PSD3: variants seen among roughly 807,000 people sequenced by gnomAD.
PSD3 encodes the protein pleckstrin and Sec7 domain containing 3.
PSD3 carries 49 observed loss-of-function variants against 105.5 expected under a neutral mutation model. The ratio of observed to expected loss-of-function variants is 0.46; its 90% CI spans 0.37 to 0.59. The LOEUF (loss-of-function observed/expected upper bound fraction) is 0.59, where lower values mean the gene tolerates loss of function less well. Among genes scored for constraint, PSD3 ranks in the 20% least tolerant of loss-of-function variants. The probability of loss-of-function intolerance (pLI) is 0.00; values close to 1 mark genes in which losing one functional copy is unlikely to be tolerated. For synonymous variants in PSD3, 557 were observed against 457.8 expected (o/e 1.22, Z -2.77); for missense variants, 1,561 against 1,263.8 (o/e 1.24, Z -3.57).
chr8:18,945,140 C>T (rs1055518403), intron 1 of PSD3, among the ~76,000 whole-genome samples: 2 of 152,148 alleles, frequency 1.3e-5, no homozygotes, highest in African/African-American at 4.8e-5. Context: ...GGTCCTCCCC[C>T]ACAAAATGTC....
intron 2 of PSD3, among the ~76,000 whole-genome samples, chr8:18,889,754 GGA>G: frequency 6.6e-6 from 1 of 152,028 alleles, no homozygotes; most frequent in African/African-American, 2.4e-5. Flanking sequence ...TTCCATGTCT[GGA>G]TGTCTCCCCA....
intron 4 of PSD3, among the ~76,000 whole-genome samples, chr8:18,819,537 A>AT (rs1194161052): frequency 6.8e-6 from 1 of 146,802 alleles, no homozygotes; most frequent in Non-Finnish European, 1.5e-5. Flanking sequence ...TCCTAGACAC[A>AT]TTTTTTAAAT....
intron 12 of PSD3, among the ~76,000 whole-genome samples, chr8:18,594,313 T>TA (rs1554519080): frequency 2.1e-4 from 1 of 4,784 alleles, no homozygotes; most frequent in Non-Finnish European, 4.9e-4. Flanking sequence ...ATATATATTA[T>TA]TATATATAAT....
At chr8:18,795,660 A>T (rs74451442) in intron 8 of PSD3, among the ~76,000 whole-genome samples, 1,593 of 152,248 alleles carry the variant, frequency 0.01, 28 homozygotes, top group African/African-American at 0.035. Context: ...ACCACCTTAG[A>T]ACACCAGCCC....
rs148106168 is a variant in PSD3 at position 18,618,185 on chromosome 8, G to C, written c.2410+14428C>G. 4.2e-3 allele frequency among the ~76,000 whole-genome samples: 643 copies of C among 151,900 alleles called. 10 individuals carry two copies. The highest frequency in any genetic ancestry group is 0.015 in the African/African-American group (614 of 41,552). Reference sequence around the variant, plus strand: ...AAGTCTTTCAAGCAATTGACAATCAGGAAATCTTTCAATCCGTCTATGACC... The same window carrying C: ...AAGTCTTTCAAGCAATTGACAATCACGAAATCTTTCAATCCGTCTATGACC... On this transcript the variant is annotated intron_variant, in intron 11 of 15. Coordinates refer to ENST00000327040, the MANE Select transcript of PSD3 (RefSeq NM_015310.4).
intron 4 of PSD3, among the ~76,000 whole-genome samples, chr8:18,833,890 G>C (rs754356644): frequency 6.6e-6 from 1 of 152,020 alleles, no homozygotes; most frequent in Non-Finnish European, 1.5e-5. Flanking sequence ...TAGTAAGATA[G>C]TCAGTTACAA....
At chr8:18,705,356 G>A (rs921297278) in intron 9 of PSD3, among the ~76,000 whole-genome samples, 22 of 151,774 alleles carry the variant, frequency 1.4e-4, no homozygotes, top group African/African-American at 4.6e-4. Flanking sequence ...GGCTTAAGAC[G>A]GTGCCTATAC....
At chr8:18,690,717 G>C (rs1274830061) in intron 9 of PSD3, among the ~76,000 whole-genome samples, 1 of 152,178 alleles carries the variant, frequency 6.6e-6, no homozygotes, top group African/African-American at 2.4e-5. Flanking sequence ...CTTTCTCCCA[G>C]AATAAACACT....
At chr8:18,578,697 C>G (rs1802614137) in intron 12 of PSD3, among the ~76,000 whole-genome samples, 1 of 151,322 alleles carries the variant, frequency 6.6e-6, no homozygotes, top group South Asian at 2.1e-4. Context: ...TAAAATCAAG[C>G]TCAAAGGATG....
At chr8:18,599,721 G>T (rs1400320054) in intron 12 of PSD3, among the ~76,000 whole-genome samples, 1 of 152,066 alleles carries the variant, frequency 6.6e-6, no homozygotes, top group East Asian at 1.9e-4. Flanking sequence ...CGTGAAACCC[G>T]AGTATGCAGA....
In PSD3 at chr8:18,872,493, T is replaced by C; in HGVS notation, c.371A>G (p.Lys124Arg). 2 of 1,614,158 alleles carry C rather than the reference T, an allele frequency of 1.2e-6. No individual in the cohort carries two copies. Among genetic ancestry groups the C allele is most frequent in the African/African-American group, 2.7e-5 (2 of 75,034 alleles). ...GTCAATGGGCTGTAAACTTTGTTCCTTGAGATGACTTTGAGAGGGGGCCTC... is the reference window on the plus strand; with the variant it reads ...GTCAATGGGCTGTAAACTTTGTTCCCTGAGATGACTTTGAGAGGGGGCCTC... ...VREAPSQSHL[K>R]EQSLQPIDSL... The change falls in exon 3 of 16, where the codon AAG (lysine) becomes AGG (arginine). Residue 124 changes from lysine to arginine, a missense_variant. Coordinates refer to ENST00000327040, the MANE Select transcript of PSD3 (RefSeq NM_015310.4).
chr8:19,027,730 T>C (rs1049103246), intron 1 of PSD3, among the ~76,000 whole-genome samples: 6 of 152,216 alleles, frequency 3.9e-5, no homozygotes, highest in Non-Finnish European at 8.8e-5. Context: ...CTCTTTCATA[T>C]AGCATAATGC....
At position 18,936,693 on chromosome 8, in the gene PSD3, G is replaced by A. The variant is rs138371994; in HGVS notation, c.22-551C>T. 2.0e-3 allele frequency among the ~76,000 whole-genome samples: 301 copies of A among 152,040 alleles called. 1 individual carries two copies. Among genetic ancestry groups the A allele is most frequent in the African/African-American group, 7.2e-3 (299 of 41,462 alleles). On this transcript the variant is annotated intron_variant, in intron 1 of 15. Transcript: ENST00000327040. ...GAATCACTTGAACCAGGGAGGCAGA[G>A]GCTGCAGTGAGCCAAGATCGTGCCA...
intron 9 of PSD3, among the ~76,000 whole-genome samples, chr8:18,750,817 C>G (rs184837520): frequency 6.6e-6 from 1 of 152,026 alleles, no homozygotes; most frequent in Non-Finnish European, 1.5e-5. Flanking sequence ...CACAGAGTGT[C>G]GATTGGTGCA....
intron 1 of PSD3, among the ~76,000 whole-genome samples, chr8:18,973,457 T>C (rs879531098): frequency 2.6e-5 from 4 of 152,198 alleles, no homozygotes; most frequent in Non-Finnish European, 5.9e-5. Flanking sequence ...GCTCTTGTCC[T>C]CAGATGGTCT....
chr8:18,779,094 C>G (rs1044920899), intron 8 of PSD3, among the ~76,000 whole-genome samples: 1 of 152,112 alleles, frequency 6.6e-6, no homozygotes, highest in African/African-American at 2.4e-5. Flanking sequence ...AAGCTTTTCT[C>G]TGTTAGAAGA....
At chr8:19,076,779 C>T (rs1294916408) in intron 1 of PSD3, among the ~76,000 whole-genome samples, 3 of 152,144 alleles carry the variant, frequency 2.0e-5, no homozygotes, top group African/African-American at 7.2e-5. Flanking sequence ...CCCTCCCTTC[C>T]TCCCTCCCTT....
chr8:18,772,732 AC>A (rs1234910239), intron 8 of PSD3, among the ~76,000 whole-genome samples: 1 of 152,062 alleles, frequency 6.6e-6, no homozygotes, highest in Non-Finnish European at 1.5e-5. Context: ...CTGGTCTCGA[AC>A]CCTTGACCTC....
intron 4 of PSD3, among the ~76,000 whole-genome samples, chr8:18,842,966 C>T (rs779275637): frequency 1.3e-5 from 2 of 152,156 alleles, no homozygotes; most frequent in Non-Finnish European, 2.9e-5. Flanking sequence ...ATTTTCATAT[C>T]ATTCTTTTAT....
Sources: allele counts gnomAD v4.1 joint callset (sites outside exome capture counted in the v4.1 genomes callset), GRCh38; gene constraint gnomAD v4.1.1; transcripts MANE v1.5; gene names NCBI Gene and HGNC (gene_info 2026-07-23, HGNC 2026-07-21).